Variants in SEMA5A observed in about 807,000 individuals in gnomAD.
The protein encoded by SEMA5A is semaphorin 5A, also known as semaphorin-5A.
Under a neutral mutation model 135.5 loss-of-function variants are expected in SEMA5A, and 55 were observed. The observed-to-expected ratio is 0.41, with a 90% CI of 0.33 to 0.51. The LOEUF (loss-of-function observed/expected upper bound fraction) is 0.51, where lower values mean the gene tolerates loss of function less well. SEMA5A is among the 20% of genes least tolerant of loss of function. The pLI is 0.37. For missense variants in SEMA5A, 1,290 were observed against 1,419.9 expected (o/e 0.91, Z 1.47); for synonymous variants, 580 against 546.5 (o/e 1.06, Z -0.85).
Position 9,199,849 on chromosome 5 carries a change from G to T in SEMA5A, c.932+2106C>A, listed in dbSNP as rs1579596714. 5.9e-5 allele frequency among the ~76,000 whole-genome samples: 9 copies of T among 152,192 alleles called. No homozygotes were observed. In the South Asian group the frequency reaches 1.9e-3, roughly 32 times the overall value. The stretch of plus-strand genomic sequence containing the variant: ...TGTAGTAGCACACCATTTTCTGCAG[G>T]CCAACCCATGCTCAAGTGACTGAGA... On this transcript the variant is annotated intron_variant, in intron 9 of 22. Transcript: ENST00000382496.
At chr5:9,240,666 T>G (rs1748142516) in intron 5 of SEMA5A, among the ~76,000 whole-genome samples, 1 of 152,078 alleles carries the variant, frequency 6.6e-6, no homozygotes, top group African/African-American at 2.4e-5. Context: ...TTAGGCTGTT[T>G]GTTTAACCTG....
At chr5:9,521,873 G>A (rs1450162212) in intron 1 of SEMA5A, among the ~76,000 whole-genome samples, 1 of 152,138 alleles carries the variant, frequency 6.6e-6, no homozygotes, top group Non-Finnish European at 1.5e-5. Flanking sequence ...CACCTTACAG[G>A]GAGGAGGGGC....
intron 12 of SEMA5A, among the ~76,000 whole-genome samples, chr5:9,143,466 A>C (rs1273867597): frequency 6.6e-6 from 1 of 152,194 alleles, no homozygotes; most frequent in Non-Finnish European, 1.5e-5. Context: ...CTTAATATTA[A>C]ATTTAAATAA....
intron 11 of SEMA5A, among the ~76,000 whole-genome samples, chr5:9,158,747 A>T (rs1454895533): frequency 6.6e-6 from 1 of 152,218 alleles, no homozygotes. Context: ...AACTATAGAT[A>T]CTCATCATGA....
chr5:9,124,479 T>C (rs1203763048), intron 13 of SEMA5A, among the ~76,000 whole-genome samples: 1 of 152,024 alleles, frequency 6.6e-6, no homozygotes, highest in Non-Finnish European at 1.5e-5. Flanking sequence ...GTTTTTGAGA[T>C]GGAGTCTCGC....
chr5:9,381,979 TGTGCGCGCGC>T lies in SEMA5A; in HGVS notation c.-77-1966_-77-1957del, dbSNP rs61042397. 8.9e-3 allele frequency among the ~76,000 whole-genome samples: 869 copies of T among 97,420 alleles called. 6 individuals are homozygous for T. The highest frequency in any genetic ancestry group is 0.013 in the African/African-American group (276 of 20,794). The allele number at this position is 97,420 out of a possible 152,430, so 63.9% of individuals were successfully genotyped here. On this transcript the variant is annotated intron_variant, in intron 2 of 22. Coordinates refer to ENST00000382496, the MANE Select transcript of SEMA5A (RefSeq NM_003966.3). ...GTGTGTGTGTGTGTGTGTGTGTGTG[TGTGCGCGCGC>T]GCGCACATCAAGTTTCAGACACGTG...
At chr5:9,269,905 C>T (rs556234502) in intron 5 of SEMA5A, among the ~76,000 whole-genome samples, 2 of 152,164 alleles carry the variant, frequency 1.3e-5, no homozygotes, top group South Asian at 2.1e-4. Flanking sequence ...ACAGAGAAGA[C>T]TTAGTAGAGT....
chr5:9,393,192 T>C (rs901545584), intron 2 of SEMA5A, among the ~76,000 whole-genome samples: 2 of 152,198 alleles, frequency 1.3e-5, no homozygotes, highest in Non-Finnish European at 2.9e-5. Context: ...TATTAAAACC[T>C]ATGTGATGGG....
chr5:9,099,028 C>T (rs936978616), intron 16 of SEMA5A, among the ~76,000 whole-genome samples: 1 of 152,096 alleles, frequency 6.6e-6, no homozygotes, highest in Non-Finnish European at 1.5e-5. Context: ...ATAAATAAAA[C>T]ATTTTTGTGA....
intron 5 of SEMA5A, among the ~76,000 whole-genome samples, chr5:9,308,981 C>T (rs1404097119): frequency 6.6e-6 from 1 of 152,090 alleles, no homozygotes; most frequent in Non-Finnish European, 1.5e-5. Flanking sequence ...ATCAAATAAG[C>T]ATAATGCCAA....
intron 1 of SEMA5A, among the ~76,000 whole-genome samples, chr5:9,443,701 C>T (rs910775376): frequency 6.6e-6 from 1 of 152,228 alleles, no homozygotes; most frequent in Non-Finnish European, 1.5e-5. Flanking sequence ...CTCACGCCTG[C>T]ATTAGTATCT....
At chr5:9,075,408 G>A (rs1419304628) in intron 16 of SEMA5A, among the ~76,000 whole-genome samples, 1 of 152,106 alleles carries the variant, frequency 6.6e-6, no homozygotes, top group African/African-American at 2.4e-5. Flanking sequence ...TAATAGACAA[G>A]AAACTGGAGA....
At chr5:9,150,986 G>A (rs1416160152) in intron 12 of SEMA5A, among the ~76,000 whole-genome samples, 1 of 152,130 alleles carries the variant, frequency 6.6e-6, no homozygotes, top group Non-Finnish European at 1.5e-5. Context: ...AATACAACAT[G>A]GGCCTGGGGC....
At chr5:9,257,620 T>C (rs1404124717) in intron 5 of SEMA5A, among the ~76,000 whole-genome samples, 1 of 152,078 alleles carries the variant, frequency 6.6e-6, no homozygotes, top group Non-Finnish European at 1.5e-5. Flanking sequence ...CTATAATTTC[T>C]CCTGACAGAT....
At chr5:9,514,354 A>C (rs545244226) in intron 1 of SEMA5A, among the ~76,000 whole-genome samples, 1 of 152,220 alleles carries the variant, frequency 6.6e-6, no homozygotes, top group Admixed American at 6.5e-5. Context: ...CACAACTTCC[A>C]GGGATTAGGA....
chr5:9,500,429 C>T (rs1173713345), intron 1 of SEMA5A, among the ~76,000 whole-genome samples: 1 of 152,276 alleles, frequency 6.6e-6, no homozygotes, highest in East Asian at 1.9e-4. Flanking sequence ...CAACGGTTTT[C>T]ATCATGTTAG....
chr5:9,529,167 A>G (rs939313678), intron 1 of SEMA5A, among the ~76,000 whole-genome samples: 1 of 152,250 alleles, frequency 6.6e-6, no homozygotes, highest in Non-Finnish European at 1.5e-5. Flanking sequence ...GGTCTGAGGA[A>G]CTGCCACCCA....
At chr5:9,308,754 G>A (rs1437958428) in intron 5 of SEMA5A, among the ~76,000 whole-genome samples, 6 of 152,106 alleles carry the variant, frequency 3.9e-5, no homozygotes, top group Non-Finnish European at 7.4e-5. Flanking sequence ...CCACCTATCA[G>A]ATGGCTGATC....
chr5:9,162,983 G>T (rs1354218782), intron 11 of SEMA5A, among the ~76,000 whole-genome samples: 1 of 152,082 alleles, frequency 6.6e-6, no homozygotes, highest in East Asian at 1.9e-4. Context: ...CTATAATGGT[G>T]CCTCAGTAAT....
Sources: gnomAD v4.1 joint callset for allele counts (sites outside exome capture counted in the v4.1 genomes callset) on GRCh38, gnomAD v4.1.1 for gene constraint, MANE v1.5 for transcripts, NCBI Gene and HGNC (gene_info 2026-07-23, HGNC 2026-07-21) for gene names.